Variants in PLXNC1 observed in about 807,000 individuals in gnomAD.
PLXNC1 encodes plexin-C1.
In PLXNC1, 75 loss-of-function variants were observed where a neutral mutation model predicts 178.2. That is an observed-to-expected ratio of 0.42 (90% CI 0.35 to 0.51). The LOEUF is 0.51. Among genes scored for constraint, PLXNC1 ranks in the 20% least tolerant of loss-of-function variants. PLXNC1 has a pLI of 0.02. For missense variants in PLXNC1, 1,503 were observed against 1,984.4 expected (o/e 0.76, Z 4.61); for synonymous variants, 790 against 779.9 (o/e 1.01, Z -0.22).
At chr12:94,278,294 CTA>C (rs1218492317) in intron 21 of PLXNC1, among the ~76,000 whole-genome samples, 1 of 152,214 alleles carries the variant, frequency 6.6e-6, no homozygotes, top group East Asian at 1.9e-4. Context: ...ATCTAAACTG[CTA>C]TGTTATGCTA....
chr12:94,240,339 C>A, intron 10 of PLXNC1, 146 bp from the exon 11 acceptor site: 1 of 587,760 alleles, frequency 1.7e-6, no homozygotes, highest in Non-Finnish European at 3.0e-6. Context: ...GGTCACTGGC[C>A]CCTCATGAGT....
At chr12:94,212,460 T>C (rs1044861339) in intron 5 of PLXNC1, among the ~76,000 whole-genome samples, 4 of 151,994 alleles carry the variant, frequency 2.6e-5, no homozygotes, top group Non-Finnish European at 5.9e-5. Context: ...TTTCTCCTAA[T>C]GTTATCCCTC....
rs3060881 is a variant in PLXNC1, at chr12:94,274,155, T to TAAAAAAAAAAAAA, written c.3598-5297_3598-5285dup. On this transcript the variant is annotated intron_variant, in intron 21 of 30. Transcript: ENST00000258526. ...GGGCAACACAGCAAGACCCTGTCTC[T>TAAAAAAAAAAAAA]AAAAAAAAAAAAAAAAAAAAAAAAA... Among the ~76,000 whole-genome samples the TAAAAAAAAAAAAA allele has an allele frequency of 8.4e-4, 38 of 45,366 alleles. 1 individual carries two copies. The highest frequency in any genetic ancestry group is 2.1e-3 in the East Asian group (2 of 948). 29.8% of individuals were successfully genotyped at this position (45,366 alleles called of 152,430 possible).
intron 21 of PLXNC1, among the ~76,000 whole-genome samples, chr12:94,270,906 G>C (rs1224001896): frequency 6.6e-6 from 1 of 152,112 alleles, no homozygotes; most frequent in East Asian, 1.9e-4. Context: ...GCAGAGTGAA[G>C]AGGGGAGGCT....
At chr12:94,277,952 C>T in intron 21 of PLXNC1, 1 of 456,050 alleles carries the variant, frequency 2.2e-6, no homozygotes, top group Non-Finnish European at 4.4e-6. Context: ...GTTTTCATCT[C>T]TCCCCTGAGC....
intron 1 of PLXNC1, among the ~76,000 whole-genome samples, chr12:94,151,553 C>G (rs1016711495): frequency 6.6e-6 from 1 of 152,106 alleles, no homozygotes; most frequent in African/African-American, 2.4e-5. Context: ...TATAATCTAA[C>G]GGTTTAAGTT....
chr12:94,262,608 G>A (rs1965026049), intron 20 of PLXNC1: 2 of 985,394 alleles, frequency 2.0e-6, no homozygotes, highest in African/African-American at 3.5e-5. Context: ...CAGCCAGTCG[G>A]CGATACTTTC....
Position 94,162,447 on chromosome 12 carries a change from T to C in PLXNC1, c.1063-6706T>C, listed in dbSNP as rs1961419130. Among the ~76,000 whole-genome samples the C allele has an allele frequency of 2.0e-5, 3 of 152,124 alleles. No individual in the cohort carries two copies. In the South Asian group the frequency reaches 6.2e-4, roughly 31 times the overall value. On this transcript the variant is annotated intron_variant, in intron 1 of 30. Transcript: ENST00000258526. ...CTCAGGGAGAGTCTGGGGAGGCATA[T>C]GGATTCAATTCTCAGCATTGTGATG...
intron 21 of PLXNC1, among the ~76,000 whole-genome samples, chr12:94,278,850 T>C (rs1387504342): frequency 1.3e-5 from 2 of 151,918 alleles, no homozygotes; most frequent in Non-Finnish European, 2.9e-5. Context: ...ATACAAAAAT[T>C]AGCCAGGCAT....
In PLXNC1 at chr12:94,177,233, A is replaced by G. The variant is rs1278403966; in HGVS notation, c.1204-4213A>G. Among the ~76,000 whole-genome samples, 18 of 16,564 alleles carry G rather than the reference A, an allele frequency of 1.1e-3. 1 individual carries two copies. Among genetic ancestry groups the G allele is most frequent in the South Asian group, 5.4e-3 (2 of 370 alleles). 10.9% of individuals were successfully genotyped at this position (16,564 alleles called of 152,430 possible). A position where few individuals can be genotyped will look rare whatever the true frequency, so the allele number is the denominator to read the frequency against. On this transcript the variant is annotated intron_variant, in intron 2 of 30. Coordinates refer to ENST00000258526, the MANE Select transcript of PLXNC1 (RefSeq NM_005761.3). ...TATATGTGTGTGTATATATATACATATATATATATATATATATATGTATAT... is the reference window on the plus strand; with the variant it reads ...TATATGTGTGTGTATATATATACATGTATATATATATATATATATGTATAT...
intron 2 of PLXNC1, among the ~76,000 whole-genome samples, chr12:94,170,698 G>A (rs1215254287): frequency 6.6e-6 from 1 of 152,150 alleles, no homozygotes; most frequent in East Asian, 1.9e-4. Flanking sequence ...AATTCCCACA[G>A]CCTAATACAG....
At chr12:94,227,266 A>G (rs762240492) in intron 9 of PLXNC1, 31 bp downstream of exon 9, 9 of 1,340,018 alleles carry the variant, frequency 6.7e-6, no homozygotes, top group Non-Finnish European at 9.7e-6. Context: ...GGTTGAGGGG[A>G]AAACCTGTCT....
chr12:94,222,237 G>A (rs982590286), intron 6 of PLXNC1, among the ~76,000 whole-genome samples: 4 of 152,106 alleles, frequency 2.6e-5, no homozygotes, highest in East Asian at 3.9e-4. Flanking sequence ...TGCTTTTAGC[G>A]CCTCCATCCG....
chr12:94,216,793 A>G (rs1193058691), intron 5 of PLXNC1, among the ~76,000 whole-genome samples: 1 of 152,202 alleles, frequency 6.6e-6, no homozygotes, highest in Non-Finnish European at 1.5e-5. Context: ...TTGTGCAGCA[A>G]GCAATTCTTT....
intron 21 of PLXNC1, among the ~76,000 whole-genome samples, chr12:94,273,945 T>C (rs990545456): frequency 1.3e-5 from 2 of 151,868 alleles, no homozygotes; most frequent in African/African-American, 4.8e-5. Flanking sequence ...TGCGTCACCA[T>C]CTCCCAGTAC....
In PLXNC1 at chr12:94,164,799, G is replaced by T. The variant is rs143791640; in HGVS notation, c.1063-4354G>T. Among the ~76,000 whole-genome samples, 417 of 151,914 alleles carry T rather than the reference G, an allele frequency of 2.7e-3. 1 individual carries two copies. Among genetic ancestry groups the T allele is most frequent in the African/African-American group, 8.5e-3 (351 of 41,390 alleles). ...CTTTCTCTCTTTCAGCCCAAACATCGCTTGAGCCAAGGTAGCTTTCTCCTC... is the reference window on the plus strand; with the variant it reads ...CTTTCTCTCTTTCAGCCCAAACATCTCTTGAGCCAAGGTAGCTTTCTCCTC... On this transcript the variant is annotated intron_variant, in intron 1 of 30. Transcript: ENST00000258526.
chr12:94,229,184 G>T (rs1173390635), intron 9 of PLXNC1, among the ~76,000 whole-genome samples: 11 of 152,252 alleles, frequency 7.2e-5, no homozygotes, highest in African/African-American at 2.4e-4. Flanking sequence ...GTGTATGCTT[G>T]CTGGCCATTT....
chr12:94,294,515 T>A lies in PLXNC1; in HGVS notation c.3909T>A (p.Phe1303Leu), dbSNP rs1967709120. Reference sequence around the variant, plus strand: ...CAAATGGATCCACTATAAAAGTCTTTAAGAAGATAGCAAATTTTACTTCAG... The same window carrying A: ...CAAATGGATCCACTATAAAAGTCTTAAAGAAGATAGCAAATTTTACTTCAG... ...EISNGSTIKVFKKIANFTSDV... is the reference protein window; with the variant it reads ...EISNGSTIKVLKKIANFTSDV... Residue 1303 changes from phenylalanine (F) to leucine (L), a missense_variant, in exon 24 of 31, where the codon TTT becomes TTA. By Grantham distance (22) the Phe-to-Leu change is conservative. Around this residue, in one of 4 missense-constraint regions of PLXNC1, gnomAD observed 639 missense variants for 979.7 expected, o/e 0.65. Coordinates refer to ENST00000258526, the MANE Select transcript of PLXNC1 (RefSeq NM_005761.3). The A allele has an allele frequency of 1.5e-6, 2 of 1,317,628 alleles. No homozygotes were observed. The highest frequency in any genetic ancestry group is 4.7e-5 in the East Asian group (2 of 42,628). The allele number at this position is 1,317,628 out of a possible 1,614,324, so 81.6% of individuals were successfully genotyped here. A position where few individuals can be genotyped will look rare whatever the true frequency, so the allele number is the denominator to read the frequency against.
chr12:94,151,789 G>A (rs1960968888), intron 1 of PLXNC1, among the ~76,000 whole-genome samples: 2 of 152,098 alleles, frequency 1.3e-5, no homozygotes, highest in Non-Finnish European at 2.9e-5. Flanking sequence ...CTACCTATTG[G>A]GTCCTGGAAG....
Sources: allele counts gnomAD v4.1 joint callset (sites outside exome capture counted in the v4.1 genomes callset), GRCh38; gene constraint gnomAD v4.1.1; regional missense constraint gnomAD v4.1.1; transcripts MANE v1.5; gene names NCBI Gene and HGNC (gene_info 2026-07-23, HGNC 2026-07-21).